Variants in ECT2 observed in about 807,000 individuals in gnomAD.
The protein encoded by ECT2 is epithelial cell transforming 2.
In ECT2, 61 loss-of-function variants were observed where a neutral mutation model predicts 116.9. That is an observed-to-expected ratio of 0.52 (90% confidence interval 0.42 to 0.65). The LOEUF is 0.65. ECT2 is among the 30% of genes least tolerant of loss of function. The pLI, the probability that ECT2 is intolerant of heterozygous loss-of-function variation, is 0.00. For missense variants in ECT2, 937 were observed against 1,078.7 expected (o/e 0.87, Z 1.84); for synonymous variants, 358 against 346.4 (o/e 1.03, Z -0.37).
At chr3:172,816,547 C>A in intron 23 of ECT2, 144 bp from the exon 24 acceptor site, 1 of 553,016 alleles carries the variant, frequency 1.8e-6, no homozygotes, top group Non-Finnish European at 3.0e-6. Flanking sequence ...AATTTCCTCA[C>A]TGTTTTGTGC....
chr3:172,780,806 A>G (rs948940460), intron 14 of ECT2, among the ~76,000 whole-genome samples: 1 of 152,138 alleles, frequency 6.6e-6, no homozygotes, highest in African/African-American at 2.4e-5. Context: ...ATGATTAATG[A>G]TAAGTGTCTT....
In ECT2 at chr3:172,769,613, A is replaced by G. The variant is rs191128503; in HGVS notation, c.1428+470A>G. On this transcript the variant is annotated intron_variant, in intron 13 of 24. Transcript: ENST00000392692. ...TTTCAGTAATCATTTCATGTGACACATGAAATATGCAGTGGTTAGTCATAA... is the reference window on the plus strand; with the variant it reads ...TTTCAGTAATCATTTCATGTGACACGTGAAATATGCAGTGGTTAGTCATAA... Among the ~76,000 whole-genome samples, 452 of 152,286 alleles carry G rather than the reference A, an allele frequency of 3.0e-3. 7 individuals carry two copies. The highest frequency in any genetic ancestry group is 0.01 in the African/African-American group (430 of 41,574).
Position 172,816,783 on chromosome 3 carries a change from T to C in ECT2, c.2601T>C (p.Pro867=), listed in dbSNP as rs1175186404. ...ACGGCTCAGTGGAGGGAAGAAGTCCTTCCAGCAATGATAAGCATGTAATGA... is the reference window on the plus strand; with the variant it reads ...ACGGCTCAGTGGAGGGAAGAAGTCCCTCCAGCAATGATAAGCATGTAATGA... The part of the protein sequence containing the change: ...TSHGSVEGRS[P]SSNDKHVMSR... Residue 867 remains proline (P), a synonymous_variant, in exon 24 of 25, where the codon CCT becomes CCC. Transcript: ENST00000392692. 1 of 1,610,594 alleles carries C rather than the reference T, an allele frequency of 6.2e-7. No individual in the cohort carries two copies. Among genetic ancestry groups the C allele is most frequent in the African/African-American group, 1.3e-5 (1 of 74,800 alleles).
At chr3:172,790,223 G>A (rs902543576) in intron 18 of ECT2, among the ~76,000 whole-genome samples, 1 of 152,088 alleles carries the variant, frequency 6.6e-6, no homozygotes, top group African/African-American at 2.4e-5. Flanking sequence ...TTTCCAGTAG[G>A]TTTTCTTTTT....
chr3:172,802,166 G>A (rs1437445891), intron 18 of ECT2, among the ~76,000 whole-genome samples: 1 of 152,072 alleles, frequency 6.6e-6, no homozygotes, highest in Non-Finnish European at 1.5e-5. Context: ...CTAGACTGGA[G>A]TGGAATGGTG....
downstream of ECT2, among the ~76,000 whole-genome samples, chr3:172,825,409 G>A (rs934764619): frequency 4.6e-5 from 7 of 152,140 alleles, no homozygotes; most frequent in Non-Finnish European, 1.5e-5. Context: ...AGGGAGGCAT[G>A]TTGAAAACAG....
chr3:172,805,594 C>T (rs1204459048), intron 20 of ECT2, 137 bp from the exon 21 acceptor site: 1 of 836,378 alleles, frequency 1.2e-6, no homozygotes, highest in African/African-American at 1.7e-5. Flanking sequence ...AGTAACTCTG[C>T]TTATAACAAC....
At chr3:172,774,123 T>A in intron 14 of ECT2, 101 bp downstream of exon 14, 1 of 1,059,026 alleles carries the variant, frequency 9.4e-7, no homozygotes, top group Non-Finnish European at 1.4e-6. Flanking sequence ...GTTTTGTACC[T>A]AAAACTTCTT....
At chr3:172,806,707 C>T (rs1489914467) in intron 21 of ECT2, among the ~76,000 whole-genome samples, 2 of 124,824 alleles carry the variant, frequency 1.6e-5, no homozygotes, top group Non-Finnish European at 3.1e-5. Flanking sequence ...AGCTGGAGTG[C>T]AGTGGCGCAA....
intron 15 of ECT2, 148 bp downstream of exon 15, chr3:172,782,379 G>GC: frequency 2.2e-6 from 1 of 452,232 alleles, no homozygotes; most frequent in Non-Finnish European, 3.9e-6. Flanking sequence ...AATGTTCTTT[G>GC]TCTTCTGAAA....
intron 23 of ECT2, 146 bp downstream of exon 23, chr3:172,815,857 T>C (rs1335845643): frequency 1.6e-6 from 1 of 618,354 alleles, no homozygotes; most frequent in Non-Finnish European, 2.8e-6. Context: ...ACAGAAACAA[T>C]AGTTTTACTT....
intron 11 of ECT2, 22 bp from the exon 12 acceptor site, chr3:172,764,256 G>A: frequency 6.3e-7 from 1 of 1,598,616 alleles, no homozygotes; most frequent in Non-Finnish European, 8.6e-7. Flanking sequence ...AGTAAATTGA[G>A]CTTGTGTGCT....
Position 172,764,420 on chromosome 3 carries a change from G to T in ECT2, c.1211G>T (p.Arg404Leu). 6.2e-7 allele frequency: 1 copy of T among 1,614,074 alleles called. No homozygotes were observed. The highest frequency in any genetic ancestry group is 8.5e-7 in the Non-Finnish European group (1 of 1,179,990). Residue 404 changes from arginine to leucine, a missense_variant, in exon 12 of 25, where the codon CGC becomes CTC. Transcript: ENST00000392692. The part of the protein sequence containing the change: ...TDVSPFPPRK[R>L]PSAEHSLSIG... ...GTGTCACCATTTCCACCCCGTAAGC[G>T]CCCATCAGCTGAGCATTCCCTTTCC...
At chr3:172,764,115 T>C (rs917342664) in intron 11 of ECT2, among the ~76,000 whole-genome samples, 163 bp from the exon 12 acceptor site, 4 of 152,202 alleles carry the variant, frequency 2.6e-5, no homozygotes, top group African/African-American at 9.7e-5. Flanking sequence ...GTCTCTTGAC[T>C]ATTATGTTTT....
At chr3:172,750,924 G>A (rs1232401519) in intron 1 of ECT2, 67 bp downstream of exon 1, 1 of 152,574 alleles carries the variant, frequency 6.6e-6, no homozygotes, top group African/African-American at 2.4e-5. Context: ...GGGCTCTTTT[G>A]CCTGCGGTCG....
At chr3:172,751,929 CTT>C (rs34722626) in intron 1 of ECT2, among the ~76,000 whole-genome samples, 3 of 152,124 alleles carry the variant, frequency 2.0e-5, no homozygotes, top group African/African-American at 7.2e-5. Flanking sequence ...TAGTGCATCT[CTT>C]TTTCTCTATA....
intron 14 of ECT2, 56 bp from the exon 15 acceptor site, chr3:172,782,107 G>A: frequency 9.6e-7 from 1 of 1,046,172 alleles, no homozygotes; most frequent in South Asian, 2.0e-5. Flanking sequence ...AATAATAAAA[G>A]TTGTATAAGG....
At chr3:172,756,908 A>G (rs1401510285) in intron 4 of ECT2, 75 bp from the exon 5 acceptor site, 25 of 1,259,696 alleles carry the variant, frequency 2.0e-5, no homozygotes, top group Middle Eastern at 2.7e-4. Context: ...TTGATTGTTA[A>G]GCCTTATTTA....
chr3:172,777,814 G>A (rs910132706), intron 14 of ECT2, among the ~76,000 whole-genome samples: 7 of 152,170 alleles, frequency 4.6e-5, no homozygotes, highest in Admixed American at 6.5e-5. Context: ...TGTTAGGATC[G>A]CTTGAACCCA....
Sources: gnomAD v4.1 joint callset for allele counts (sites outside exome capture counted in the v4.1 genomes callset) on GRCh38, gnomAD v4.1.1 for gene constraint, MANE v1.5 for transcripts, NCBI Gene and HGNC (gene_info 2026-07-23, HGNC 2026-07-21) for gene names.